Variants in SWI5 observed in about 807,000 individuals in gnomAD.
SWI5 encodes the protein DNA repair protein SWI5 homolog.
A neutral mutation model predicts 17.0 loss-of-function variants in SWI5; 12 were observed. The observed-to-expected ratio is 0.71, with a 90% CI of 0.45 to 1.14. The LOEUF (loss-of-function observed/expected upper bound fraction) is 1.14. Among genes scored for constraint, SWI5 ranks in the 50% most tolerant of loss-of-function variants. SWI5 has a pLI of 0.00. For missense variants in SWI5, 158 were observed against 162.2 expected (o/e 0.97, Z 0.14); for synonymous variants, 61 against 64.0 (o/e 0.95, Z 0.22).
At chr9:128,282,858 G>A (rs1831564963) in intron 2 of SWI5, among the ~76,000 whole-genome samples, 1 of 152,236 alleles carries the variant, frequency 6.6e-6, no homozygotes, top group Non-Finnish European at 1.5e-5. Context: ...AAAGCCCCAA[G>A]GAAGGGTTTT....
At chr9:128,282,032 T>C (rs1014066981) in intron 2 of SWI5, among the ~76,000 whole-genome samples, 2 of 152,178 alleles carry the variant, frequency 1.3e-5, no homozygotes, top group African/African-American at 2.4e-5. Flanking sequence ...TGAGGTGTGA[T>C]TGTGCTACCG....
At chr9:128,284,675 G>A (rs1237160579) in intron 3 of SWI5, 44 bp downstream of exon 3, 5 of 1,602,980 alleles carry the variant, frequency 3.1e-6, no homozygotes, top group Non-Finnish European at 4.3e-6. Context: ...ATAACTTTGG[G>A]CTAGGCATAG....
intron 4 of SWI5, among the ~76,000 whole-genome samples, chr9:128,288,166 G>T (rs553290769): frequency 6.6e-6 from 1 of 152,268 alleles, no homozygotes; most frequent in African/African-American, 2.4e-5. Flanking sequence ...CCTTCCTCAG[G>T]AGAAAGGACC....
chr9:128,282,393 A>G (rs1236161339), intron 2 of SWI5, among the ~76,000 whole-genome samples: 1 of 152,210 alleles, frequency 6.6e-6, no homozygotes, highest in Non-Finnish European at 1.5e-5. Context: ...CTCAAAAAAA[A>G]AAGAAAAATT....
upstream of SWI5, chr9:128,275,635 G>C (rs1176807680): frequency 8.5e-6 from 6 of 702,218 alleles, no homozygotes; most frequent in Non-Finnish European, 1.3e-5. Context: ...ACTTCGGGGG[G>C]CAGGAGGTGA....
In SWI5 at chr9:128,288,635, GCCTT is replaced by G. The variant is rs767971485; in HGVS notation, c.329-8_329-5del. 3 of 1,614,076 alleles carry G rather than the reference GCCTT, an allele frequency of 1.9e-6. No homozygotes were observed. Among genetic ancestry groups the G allele is most frequent in the South Asian group, 1.1e-5 (1 of 91,080 alleles). The stretch of plus-strand genomic sequence containing the variant: ...CCTCTCCCCACTGCACATTCAGCCT[GCCTT>G]CCTTCCTTTCAGCTGTGATCCGAGG... On this transcript the variant is annotated splice_polypyrimidine_tract_variant and intron_variant, in intron 4 of 4. Coordinates refer to ENST00000418976, the Ensembl canonical transcript of SWI5.
chr9:128,275,484 G>T, upstream of SWI5: 1 of 1,305,012 alleles, frequency 7.7e-7, no homozygotes. Flanking sequence ...GGTCCGGTTT[G>T]GGGCGGCAGG....
upstream of SWI5, chr9:128,275,981 G>C (rs781640307): frequency 1.9e-6 from 3 of 1,599,074 alleles, no homozygotes; most frequent in Non-Finnish European, 1.7e-6. Context: ...CCACATCAGC[G>C]CGATCCCGGC....
chr9:128,275,625 A>T, upstream of SWI5: 1 of 691,466 alleles, frequency 1.4e-6, no homozygotes, highest in Non-Finnish European at 2.2e-6. Flanking sequence ...GGGAGGTCGG[A>T]CTTCGGGGGG....
chr9:128,277,816 CA>C (rs1465422275), intron 2 of SWI5, among the ~76,000 whole-genome samples: 2 of 152,200 alleles, frequency 1.3e-5, no homozygotes, highest in Non-Finnish European at 2.9e-5. Flanking sequence ...GACGGGGTGG[CA>C]GCCATAGTTT....
At chr9:128,276,710 T>C in exon 2 of SWI5, 3 of 1,613,884 alleles carry the variant, frequency 1.9e-6, no homozygotes, top group Non-Finnish European at 1.7e-6. Context: ...TCTCTAGGAC[T>C]GAACCAAGAC....
At chr9:128,278,489 C>A in intron 2 of SWI5, 1 of 363,782 alleles carries the variant, frequency 2.7e-6, no homozygotes, top group East Asian at 7.9e-5. Context: ...ATCGCTTGAA[C>A]CCAGGGGGTG....
At chr9:128,288,515 A>C (rs1831683789) in intron 4 of SWI5, 137 bp from the exon 5 acceptor site, 1 of 875,074 alleles carries the variant, frequency 1.1e-6, no homozygotes. Flanking sequence ...CAGTTAGGCA[A>C]GGCACAAGTG....
chr9:128,279,150 C>A (rs963014065), intron 2 of SWI5, among the ~76,000 whole-genome samples: 6 of 152,164 alleles, frequency 3.9e-5, no homozygotes, highest in African/African-American at 1.4e-4. Context: ...ACCTCTCCTG[C>A]CTCTTTTTCT....
At chr9:128,288,577 A>C in intron 4 of SWI5, 75 bp from the exon 5 acceptor site, 1 of 1,545,380 alleles carries the variant, frequency 6.5e-7, no homozygotes, top group Non-Finnish European at 8.9e-7. Flanking sequence ...GGGCAGTGAC[A>C]CTGGCTCGGG....
chr9:128,284,205 C>T (rs1831592155), intron 2 of SWI5, among the ~76,000 whole-genome samples: 1 of 149,208 alleles, frequency 6.7e-6, no homozygotes, highest in South Asian at 2.1e-4. Flanking sequence ...AGGAGAATCA[C>T]TTGAACCTGG....
upstream of SWI5, chr9:128,275,461 A>G (rs1588496590): frequency 7.7e-7 from 1 of 1,298,662 alleles, no homozygotes; most frequent in Non-Finnish European, 9.8e-7. Context: ...CCCGAGACCA[A>G]AGAACCCCGG....
intron 2 of SWI5, among the ~76,000 whole-genome samples, chr9:128,281,806 G>T (rs577833322): frequency 6.6e-6 from 1 of 152,238 alleles, no homozygotes. Flanking sequence ...CAGGTGCGGT[G>T]GCTCATGTTT....
At chr9:128,276,032 A>G, upstream of SWI5, 1 of 1,589,802 alleles carries the variant, frequency 6.3e-7, no homozygotes, top group South Asian at 1.1e-5. Flanking sequence ...CAGCTGTGCG[A>G]CGGAGCCAGA....
Sources: allele counts gnomAD v4.1 joint callset (sites outside exome capture counted in the v4.1 genomes callset), GRCh38; gene constraint gnomAD v4.1.1; transcripts MANE v1.5; gene names NCBI Gene and HGNC (gene_info 2026-07-23, HGNC 2026-07-21).